GPR158: variants seen among roughly 807,000 people sequenced by gnomAD.
The protein encoded by GPR158 is G protein-coupled receptor 158.
In GPR158, 30 loss-of-function variants were observed where a neutral mutation model predicts 78.2. The ratio of observed to expected loss-of-function variants is 0.38; its 90% confidence interval spans 0.29 to 0.52. The LOEUF (loss-of-function observed/expected upper bound fraction) is 0.52, where lower values mean the gene tolerates loss of function less well. GPR158 is among the 20% of genes least tolerant of loss of function. The pLI is 0.83. For missense variants in GPR158, 1,463 were observed against 1,523.5 expected (o/e 0.96, Z 0.66); for synonymous variants, 581 against 591.1 (o/e 0.98, Z 0.25).
chr10:25,215,967 G>A (rs570383598), intron 1 of GPR158, among the ~76,000 whole-genome samples: 1 of 152,242 alleles, frequency 6.6e-6, no homozygotes, highest in Admixed American at 6.5e-5. Context: ...CACAGGTGAC[G>A]GTGCTGTCAA....
intron 4 of GPR158, among the ~76,000 whole-genome samples, chr10:25,424,540 C>G (rs553214567): frequency 1.2e-3 from 177 of 151,008 alleles, no homozygotes; most frequent in African/African-American, 4.1e-3. Context: ...GTCTTTAATC[C>G]ATTTTGAATT....
At chr10:25,535,319 A>G (rs2130697749) in intron 5 of GPR158, among the ~76,000 whole-genome samples, 1 of 152,348 alleles carries the variant, frequency 6.6e-6, no homozygotes, top group Non-Finnish European at 1.5e-5. Flanking sequence ...AAAAATTACA[A>G]CTTTCATCTT....
chr10:25,596,955 C>CAG (rs1395011694), intron 10 of GPR158, among the ~76,000 whole-genome samples, 166 bp downstream of exon 10: 2 of 152,130 alleles, frequency 1.3e-5, no homozygotes, highest in African/African-American at 4.8e-5. Flanking sequence ...ATGTCAAATG[C>CAG]AGAGTTAATC....
intron 4 of GPR158, among the ~76,000 whole-genome samples, chr10:25,432,947 T>G (rs1347625371): frequency 1.3e-5 from 2 of 152,228 alleles, no homozygotes; most frequent in African/African-American, 2.4e-5. Context: ...TATCAGACTG[T>G]GATCACAATG....
intron 4 of GPR158, among the ~76,000 whole-genome samples, chr10:25,439,283 A>G (rs1835037433): frequency 6.6e-6 from 1 of 152,222 alleles, no homozygotes; most frequent in African/African-American, 2.4e-5. Flanking sequence ...GAAAGAAGCG[A>G]AAGTGGAAAC....
chr10:25,287,263 A>G (rs1262856267), intron 2 of GPR158, among the ~76,000 whole-genome samples: 2 of 150,966 alleles, frequency 1.3e-5, no homozygotes, highest in African/African-American at 4.9e-5. Context: ...TCCTAGCTTC[A>G]GTTGATTTTC....
chr10:25,541,618 A>T (rs1285468186), intron 5 of GPR158, among the ~76,000 whole-genome samples: 1 of 151,584 alleles, frequency 6.6e-6, no homozygotes, highest in Non-Finnish European at 1.5e-5. Flanking sequence ...AAAAAATTTT[A>T]GAACACACCA....
At chr10:25,590,079 G>C (rs368374559) in intron 8 of GPR158, among the ~76,000 whole-genome samples, 5 of 152,224 alleles carry the variant, frequency 3.3e-5, no homozygotes, top group Admixed American at 3.3e-4. Flanking sequence ...ATGGAAGAGC[G>C]GGTGGGAGAA....
At chr10:25,213,157 GT>G (rs1374359746) in intron 1 of GPR158, among the ~76,000 whole-genome samples, 4 of 151,384 alleles carry the variant, frequency 2.6e-5, no homozygotes, top group Non-Finnish European at 5.9e-5. Context: ...TTCTTTTTCA[GT>G]TTTTTTGGTT....
At chr10:25,268,206 C>T (rs1346242507) in intron 2 of GPR158, among the ~76,000 whole-genome samples, 2 of 151,978 alleles carry the variant, frequency 1.3e-5, no homozygotes, top group African/African-American at 2.4e-5. Flanking sequence ...AAAGAATACT[C>T]GTTATCCTAT....
intron 1 of GPR158, among the ~76,000 whole-genome samples, chr10:25,200,532 A>G (rs1465334907): frequency 2.0e-5 from 3 of 151,952 alleles, no homozygotes; most frequent in Non-Finnish European, 2.9e-5. Context: ...CCATTTGTCA[A>G]TTTTTGTTTT....
chr10:25,183,781 A>G (rs530541154), intron 1 of GPR158, among the ~76,000 whole-genome samples: 2 of 152,314 alleles, frequency 1.3e-5, no homozygotes, highest in African/African-American at 4.8e-5. Context: ...CTTTCTCACC[A>G]TTTATGTCTT....
At chr10:25,392,445 T>C (rs2130523657) in intron 2 of GPR158, among the ~76,000 whole-genome samples, 1 of 152,312 alleles carries the variant, frequency 6.6e-6, no homozygotes. Flanking sequence ...AGAGCAAAAG[T>C]CAGGCCGAGG....
chr10:25,307,212 T>C (rs1233120761), intron 2 of GPR158, among the ~76,000 whole-genome samples: 6 of 151,978 alleles, frequency 3.9e-5, no homozygotes, highest in Admixed American at 1.3e-4. Flanking sequence ...AGCATAATTC[T>C]ATTTAAAGAT....
chr10:25,272,707 C>T (rs1854133130), intron 2 of GPR158, among the ~76,000 whole-genome samples: 1 of 152,162 alleles, frequency 6.6e-6, no homozygotes, highest in South Asian at 2.1e-4. Flanking sequence ...AGTCAAGATA[C>T]ACTAGGATAA....
intron 5 of GPR158, among the ~76,000 whole-genome samples, chr10:25,479,651 T>C (rs1266967115): frequency 6.6e-6 from 1 of 152,004 alleles, no homozygotes; most frequent in African/African-American, 2.4e-5. Flanking sequence ...CTGACCTCAA[T>C]TGATCCACCC....
At chr10:25,400,245 G>T (rs2130534474) in intron 3 of GPR158, among the ~76,000 whole-genome samples, 1 of 152,192 alleles carries the variant, frequency 6.6e-6, no homozygotes, top group East Asian at 1.9e-4. Flanking sequence ...ATAGAGCAAA[G>T]ATAAAATTTA....
At chr10:25,486,747 CTA>C (rs1835740756) in intron 5 of GPR158, among the ~76,000 whole-genome samples, 1 of 151,894 alleles carries the variant, frequency 6.6e-6, no homozygotes, top group Non-Finnish European at 1.5e-5. Flanking sequence ...GCTTTTCAAA[CTA>C]TATGTGGTAA....
rs1194555712 is a variant in GPR158, at chr10:25,176,335, G to T, written c.902+13G>T. 1.3e-6 allele frequency: 2 copies of T among 1,539,084 alleles called. No homozygotes were observed. Among genetic ancestry groups the T allele is most frequent in the Admixed American group, 1.9e-5 (1 of 51,418 alleles). On this transcript the variant is annotated intron_variant, in intron 1 of 10. Coordinates refer to ENST00000376351, the MANE Select transcript of GPR158 (RefSeq NM_020752.3). The surrounding 1 kb of genome is among the most constrained non-coding windows in gnomAD (Gnocchi z 6.3). ...TCCCGGAATTCAGGTAGGGAGGGCC[G>T]GGGGGCAGGGGGGAAGGCAAAAGCG...
Sources: gnomAD v4.1 joint callset for allele counts (sites outside exome capture counted in the v4.1 genomes callset) on GRCh38, gnomAD v4.1.1 for gene constraint, Gnocchi (gnomAD v3.1) non-coding constraint, MANE v1.5 for transcripts, NCBI Gene and HGNC (gene_info 2026-07-23, HGNC 2026-07-21) for gene names.